Variants in GRIN3A observed in about 807,000 individuals in gnomAD.
GRIN3A encodes the protein glutamate ionotropic receptor NMDA type subunit 3A.
In GRIN3A, 47 loss-of-function variants were observed where a neutral mutation model predicts 92.4. The observed-to-expected ratio is 0.51, with a 90% CI of 0.40 to 0.65. GRIN3A has a LOEUF of 0.65. Ranked by LOEUF, GRIN3A falls within the 30% of genes least tolerant of loss-of-function variation. The pLI, the probability that GRIN3A is intolerant of heterozygous loss-of-function variation, is 0.00. For synonymous variants in GRIN3A, 527 were observed against 540.6 expected, an observed-to-expected ratio of 0.97 and a Z score of 0.35; for missense variants, 1,324 against 1,393.1, an observed-to-expected ratio of 0.95 and a Z score of 0.79.
chr9:101,621,295 AAAAC>A (rs1374756357), intron 5 of GRIN3A, among the ~76,000 whole-genome samples: 51 of 152,052 alleles, frequency 3.4e-4, no homozygotes, highest in African/African-American at 1.1e-3. Flanking sequence ...AAAAAAAAAA[AAAAC>A]AATTTGTGAA....
chr9:101,718,380 C>T (rs991383780), intron 1 of GRIN3A, among the ~76,000 whole-genome samples: 1 of 152,076 alleles, frequency 6.6e-6, no homozygotes, highest in Non-Finnish European at 1.5e-5. Context: ...TTCAGGCAGA[C>T]ACAAGGGAAA....
intron 3 of GRIN3A, among the ~76,000 whole-genome samples, chr9:101,641,280 T>C (rs1828858383): frequency 6.6e-6 from 1 of 152,160 alleles, no homozygotes; most frequent in Admixed American, 6.5e-5. Context: ...GCCATCCCAT[T>C]ACTGGGTATA....
chr9:101,582,915 G>C (rs1323598592), intron 6 of GRIN3A, among the ~76,000 whole-genome samples: 1 of 152,022 alleles, frequency 6.6e-6, no homozygotes, highest in Non-Finnish European at 1.5e-5. Context: ...TAACAAATAG[G>C]CCGTATTGTT....
At chr9:101,703,733 C>G (rs28631285) in intron 1 of GRIN3A, among the ~76,000 whole-genome samples, 1 of 152,110 alleles carries the variant, frequency 6.6e-6, no homozygotes, top group Non-Finnish European at 1.5e-5. Flanking sequence ...TGATTGATAA[C>G]GCATTTCTCA....
chr9:101,647,916 C>T (rs1226023955), intron 3 of GRIN3A, among the ~76,000 whole-genome samples: 1 of 151,594 alleles, frequency 6.6e-6, no homozygotes. Context: ...ATTTTGTTTA[C>T]CTTTTCAAAA....
At chr9:101,625,746 A>G (rs1247011506) in intron 4 of GRIN3A, among the ~76,000 whole-genome samples, 1 of 152,198 alleles carries the variant, frequency 6.6e-6, no homozygotes, top group Non-Finnish European at 1.5e-5. Context: ...TCCTGGCAAT[A>G]AAATAAAAAT....
At position 101,737,418 on chromosome 9, in the gene GRIN3A, C is replaced by G; in HGVS notation, c.562G>C (p.Val188Leu). 1 of 1,614,272 alleles carries G rather than the reference C, an allele frequency of 6.2e-7. No individual in the cohort carries two copies. Among genetic ancestry groups the G allele is most frequent in the Non-Finnish European group, 8.5e-7 (1 of 1,180,048 alleles). Residue 188 changes from valine to leucine, a missense_variant, in exon 1 of 9, where the codon GTG becomes CTG. Physicochemically the swap from Val to Leu is conservative, Grantham distance 32. Coordinates refer to ENST00000361820, the MANE Select transcript of GRIN3A (RefSeq NM_133445.3). ...AGCGCCGACACCCCTTGCACCACCA[C>G]GGTATGGCACACACTTTGCAGGAAG... ...FSFLQSVCHTVVVQGVSALLA... is the reference protein window; with the variant it reads ...FSFLQSVCHTLVVQGVSALLA...
intron 6 of GRIN3A, chr9:101,603,114 A>C (rs1828233440): frequency 6.6e-6 from 1 of 152,198 alleles, no homozygotes; most frequent in Non-Finnish European, 1.5e-5. Flanking sequence ...AGAATCATGC[A>C]TTTCTCATTT....
At chr9:101,735,287 G>T (rs7848096) in intron 1 of GRIN3A, among the ~76,000 whole-genome samples, 67,888 of 151,496 alleles carry the variant, frequency 0.45, 15,876 homozygotes, top group Non-Finnish European at 0.48. Context: ...TGCCATGAAG[G>T]TAACAGTGAC....
intron 3 of GRIN3A, among the ~76,000 whole-genome samples, chr9:101,637,272 T>G (rs1828796889): frequency 6.6e-6 from 1 of 152,118 alleles, no homozygotes. Flanking sequence ...TTTTTGTATT[T>G]TCAGTAGAGA....
At chr9:101,621,795 C>G (rs966271649) in intron 5 of GRIN3A, among the ~76,000 whole-genome samples, 5 of 152,130 alleles carry the variant, frequency 3.3e-5, no homozygotes, top group Non-Finnish European at 7.4e-5. Context: ...AAATGGAGCC[C>G]CTCATTCTTG....
intron 2 of GRIN3A, among the ~76,000 whole-genome samples, chr9:101,684,970 G>T (rs1298271962): frequency 6.6e-6 from 1 of 152,080 alleles, no homozygotes; most frequent in African/African-American, 2.4e-5. Context: ...AATTATGTGC[G>T]AGCTTGCCAA....
rs754003481 is a variant in GRIN3A at position 101,614,609 on chromosome 9, C to CTTTT, written c.2615-1086_2615-1083dup. ...CATATATATGCATATATATGTGATA[C>CTTTT]TTTTTTTTTTTTTTTTTTTTTTTTT... is the stretch of plus-strand genomic sequence containing the variant. On this transcript the variant is annotated intron_variant, in intron 5 of 8. Coordinates refer to ENST00000361820, the MANE Select transcript of GRIN3A (RefSeq NM_133445.3). Among the ~76,000 whole-genome samples the CTTTT allele has an allele frequency of 9.6e-4, 80 of 83,066 alleles. 12 individuals are homozygous for CTTTT. Among genetic ancestry groups the CTTTT allele is most frequent in the African/African-American group, 1.4e-3 (27 of 19,066 alleles). 54.5% of individuals were successfully genotyped at this position (83,066 alleles called of 152,430 possible).
At position 101,579,372 on chromosome 9, in the gene GRIN3A, T is replaced by C. The variant is rs748106049; in HGVS notation, c.2767-12A>G. The C allele has an allele frequency of 6.2e-6, 10 of 1,613,620 alleles. No individual in the cohort carries two copies. The East Asian group carries it at 6.7e-5, about 11-fold the overall frequency. On this transcript the variant is annotated splice_polypyrimidine_tract_variant and intron_variant, in intron 6 of 8. Coordinates refer to ENST00000361820, the MANE Select transcript of GRIN3A (RefSeq NM_133445.3). The stretch of plus-strand genomic sequence containing the variant: ...CCCATTTGCAAAGTCTGTGACAGAA[T>C]AGGAAAGAAAAGGCCATGAATACAA...
intron 1 of GRIN3A, among the ~76,000 whole-genome samples, chr9:101,716,040 A>C (rs1829941986): frequency 6.6e-6 from 1 of 152,182 alleles, no homozygotes; most frequent in African/African-American, 2.4e-5. Flanking sequence ...CTTTTTCCAA[A>C]TCATCCAGAA....
intron 1 of GRIN3A, among the ~76,000 whole-genome samples, chr9:101,733,527 C>T (rs1179600241): frequency 6.6e-6 from 1 of 152,082 alleles, no homozygotes; most frequent in African/African-American, 2.4e-5. Flanking sequence ...AATACATTTC[C>T]CCCAGAGGAG....
At chr9:101,620,956 A>C (rs1199011049) in intron 5 of GRIN3A, among the ~76,000 whole-genome samples, 1 of 152,122 alleles carries the variant, frequency 6.6e-6, no homozygotes, top group Admixed American at 6.5e-5. Context: ...GCTATCCTCT[A>C]ATAACATTTA....
In GRIN3A at chr9:101,571,117, G is replaced by A. The variant is rs1827753082; in HGVS notation, c.*2057C>T. 1 of 152,250 alleles carries A rather than the reference G, an allele frequency of 6.6e-6. No homozygotes were observed. The highest frequency in any genetic ancestry group is 1.5e-5 in the Non-Finnish European group (1 of 68,114). 9.4% of individuals were successfully genotyped at this position (152,250 alleles called of 1,614,324 possible). On this transcript the variant is annotated 3_prime_UTR_variant, in exon 9 of 9. Transcript: ENST00000361820. ...GTTGCAACCTACTTCTGGGCCTGGG[G>A]TGAGAACGTGAGGGGATGGGGTGTT...
chr9:101,640,398 T>G (rs1828840496), intron 3 of GRIN3A, among the ~76,000 whole-genome samples: 1 of 152,196 alleles, frequency 6.6e-6, no homozygotes, highest in Non-Finnish European at 1.5e-5. Flanking sequence ...TGAGAAAATT[T>G]TCATGCATCA....
Sources: allele counts gnomAD v4.1 joint callset (sites outside exome capture counted in the v4.1 genomes callset), GRCh38; gene constraint gnomAD v4.1.1; transcripts MANE v1.5; gene names NCBI Gene and HGNC (gene_info 2026-07-23, HGNC 2026-07-21).